IFIH1: variants seen among roughly 807,000 people sequenced by gnomAD.
IFIH1 encodes interferon-induced helicase C domain-containing protein 1.
In IFIH1, 125 loss-of-function variants were observed where a neutral mutation model predicts 107.4. The observed-to-expected ratio is 1.16, with a 90% CI of 1.01 to 1.35. The LOEUF (loss-of-function observed/expected upper bound fraction) is 1.35. Among genes scored for constraint, IFIH1 ranks in the 40% most tolerant of loss-of-function variants. The probability of loss-of-function intolerance (pLI) is 0.00; values close to 1 mark genes in which losing one functional copy is unlikely to be tolerated. For missense variants in IFIH1, 1,333 were observed against 1,213.7 expected, an observed-to-expected ratio of 1.10 and a Z score of -1.46; for synonymous variants, 458 against 413.2, an observed-to-expected ratio of 1.11 and a Z score of -1.31.
chr2:162,270,935 G>C (rs1010822888), intron 13 of IFIH1, among the ~76,000 whole-genome samples: 3 of 152,150 alleles, frequency 2.0e-5, no homozygotes, highest in Non-Finnish European at 4.4e-5. Context: ...CATCCCTTTA[G>C]TGAAACTCTA....
chr2:162,298,965 A>G (rs546935183), intron 3 of IFIH1, among the ~76,000 whole-genome samples: 2 of 152,254 alleles, frequency 1.3e-5, no homozygotes, highest in Non-Finnish European at 2.9e-5. Flanking sequence ...ACTCTCCTAG[A>G]GCCACAGGCC....
Position 162,273,961 on chromosome 2 carries a change from A to G in IFIH1, c.2305-17T>C. The G allele has an allele frequency of 1.3e-6, 2 of 1,537,864 alleles. No homozygotes were observed. Among genetic ancestry groups the G allele is most frequent in the Non-Finnish European group, 1.8e-6 (2 of 1,121,694 alleles). On this transcript the variant is annotated splice_polypyrimidine_tract_variant and intron_variant, in intron 11 of 15. Coordinates refer to ENST00000649979, the MANE Select transcript of IFIH1 (RefSeq NM_022168.4). ...TTGTTCATTCTGTAGAAACATTTTA[A>G]TAAATTAAATTTTGTGATGCTAAAC...
At chr2:162,267,775 T>C (rs541654445) in intron 14 of IFIH1, among the ~76,000 whole-genome samples, 6 of 152,354 alleles carry the variant, frequency 3.9e-5, no homozygotes, top group African/African-American at 1.4e-4. Flanking sequence ...ATGTTGCCTT[T>C]CATAACTTCT....
chr2:162,301,365 G>C (rs1683190336), intron 3 of IFIH1, among the ~76,000 whole-genome samples: 1 of 152,136 alleles, frequency 6.6e-6, no homozygotes, highest in South Asian at 2.1e-4. Context: ...CTTTATAAAT[G>C]TAAAGGCGCC....
At position 162,285,174 on chromosome 2, in the gene IFIH1, TG is replaced by T. The variant is rs1308173452; in HGVS notation, c.1096-2599del. On this transcript the variant is annotated intron_variant, in intron 5 of 15. Coordinates refer to ENST00000649979, the MANE Select transcript of IFIH1 (RefSeq NM_022168.4). ...AAACCCAACTGCTACCCACTTCTGC[TG>T]AATCATATGGGGCTGCATTGCAGCA... Among the ~76,000 whole-genome samples, 3 of 151,988 alleles carry T rather than the reference TG, an allele frequency of 2.0e-5. No homozygotes were observed. In the East Asian group the frequency reaches 5.8e-4, roughly 29 times the overall value.
chr2:162,295,101 T>C (rs1376276567), intron 3 of IFIH1, among the ~76,000 whole-genome samples: 1 of 152,008 alleles, frequency 6.6e-6, no homozygotes, highest in Non-Finnish European at 1.5e-5. Context: ...TTGACATATG[T>C]ATACAGTTAC....
At chr2:162,286,914 T>C (rs4664460) in intron 5 of IFIH1, among the ~76,000 whole-genome samples, 19,199 of 151,952 alleles carry the variant, frequency 0.13, 2,822 homozygotes, top group African/African-American at 0.33. Flanking sequence ...TTGTTCATTT[T>C]GCAGATGAAG....
Position 162,276,916 on chromosome 2 carries a change from TCAGC to T in IFIH1, c.2071_2074del (p.Ala691LysfsTer10), listed in dbSNP as rs1157272609. On this transcript the variant is annotated frameshift_variant, in exon 11 of 16. Coordinates refer to ENST00000649979, the MANE Select transcript of IFIH1 (RefSeq NM_022168.4). LOFTEE classifies it high-confidence loss of function. ...CTTTTCATTTTCATATTCTGGGTTT[TCAGC>T]CAGCCTTTTCAACATTTTATTGTTT... 2.5e-6 allele frequency: 4 copies of T among 1,606,622 alleles called. No individual in the cohort carries two copies. The highest frequency in any genetic ancestry group is 3.4e-6 in the Non-Finnish European group (4 of 1,177,992).
intron 3 of IFIH1, among the ~76,000 whole-genome samples, chr2:162,296,310 G>T (rs1683084170): frequency 6.6e-6 from 1 of 152,030 alleles, no homozygotes; most frequent in African/African-American, 2.4e-5. Context: ...CTATTATCTG[G>T]ATTATTTTGA....
rs748006043 is a variant in IFIH1 at position 162,318,023 on chromosome 2, C to T, written c.285G>A (p.Met95Ile). ...AGGGCAAGTCCGTGAGCTCAGGGTTCATGTAGCGGGCGGCCAGAGGGCTGC... is the reference window on the plus strand; with the variant it reads ...AGGGCAAGTCCGTGAGCTCAGGGTTTATGTAGCGGGCGGCCAGAGGGCTGC... ...RTGSPLAARY[M>I]NPELTDLPSP... is the part of the protein sequence containing the mutation. The change falls in exon 1 of 16, where the codon ATG (methionine) becomes ATA (isoleucine). Residue 95 changes from methionine (M) to isoleucine (I), a missense_variant. Transcript: ENST00000649979. The T allele has an allele frequency of 2.5e-6, 4 of 1,614,160 alleles. No homozygotes were observed. Among genetic ancestry groups the T allele is most frequent in the South Asian group, 1.1e-5 (1 of 91,084 alleles).
In IFIH1 at chr2:162,282,399, C is replaced by A. The variant is rs1054159671; in HGVS notation, c.1273G>T (p.Glu425Ter). Reference sequence around the variant, plus strand: ...TGAACACCAGCATCTTCTCCATTTTCCAAGTTTAAGAGGGAGTTTTCAAGG... The same window carrying A: ...TGAACACCAGCATCTTCTCCATTTTACAAGTTTAAGAGGGAGTTTTCAAGG... ...QILENSLLNLENGEDAGVQLS... is the reference protein window; with the variant it reads ...QILENSLLNL The change falls in exon 6 of 16, where the codon GAA becomes TAA. Residue 425 changes from glutamate (E) to a stop codon, truncating the protein, a stop_gained. Transcript: ENST00000649979. LOFTEE classifies it high-confidence loss of function. 1.2e-6 allele frequency: 2 copies of A among 1,610,958 alleles called. No individual in the cohort carries two copies. The highest frequency in any genetic ancestry group is 1.7e-6 in the Non-Finnish European group (2 of 1,178,230).
Position 162,270,450 on chromosome 2 carries a change from G to A in IFIH1, c.2616+1776C>T, listed in dbSNP as rs866296694. On this transcript the variant is annotated intron_variant, in intron 13 of 15. Coordinates refer to ENST00000649979, the MANE Select transcript of IFIH1 (RefSeq NM_022168.4). ...GAAGAAAGTAAACATCTTCCCAGTA[G>A]CAATGTTTTCTACAGGCTTTGAACA... 4.6e-5 allele frequency among the ~76,000 whole-genome samples: 7 copies of A among 152,174 alleles called. No individual in the cohort carries two copies. The South Asian group carries it at 1.4e-3, about 31-fold the overall frequency.
chr2:162,271,338 T>A (rs1691034164), intron 13 of IFIH1, among the ~76,000 whole-genome samples: 1 of 151,692 alleles, frequency 6.6e-6, no homozygotes, highest in East Asian at 2.0e-4. Context: ...ACCATCATTC[T>A]GAGCAAACTA....
At position 162,280,104 on chromosome 2, in the gene IFIH1, G is replaced by C; in HGVS notation, c.1533C>G (p.Ala511=). ...TTTTAATAGTAAATGCATCAAGATT[G>C]GCACATAGCTGGAAAAGAGACATTT... is the stretch of plus-strand genomic sequence containing the variant. ...KAEEHILKLC[A]NLDAFTIKTV... is the part of the protein sequence containing the mutation. Residue 511 remains alanine (A), a synonymous_variant, in exon 8 of 16, where the codon GCC becomes GCG. Transcript: ENST00000649979. The C allele has an allele frequency of 6.5e-7, 1 of 1,535,432 alleles. No individual in the cohort carries two copies. Among genetic ancestry groups the C allele is most frequent in the Non-Finnish European group, 9.0e-7 (1 of 1,112,284 alleles).
intron 6 of IFIH1, 114 bp downstream of exon 6, chr2:162,282,252 A>G (rs1226513076): frequency 1.1e-5 from 7 of 660,986 alleles, no homozygotes; most frequent in East Asian, 8.6e-5. Flanking sequence ...TAATAAAACC[A>G]TAAGCAATAA....
chr2:162,301,458 G>A (rs1216443879), intron 3 of IFIH1, among the ~76,000 whole-genome samples: 1 of 152,054 alleles, frequency 6.6e-6, no homozygotes, highest in African/African-American at 2.4e-5. Flanking sequence ...GAAGTTTGGG[G>A]GGATTTTCTG....
rs1006604753 is a variant in IFIH1 at position 162,267,339 on chromosome 2, G to A, written c.2939C>T (p.Pro980Leu). 2 of 1,613,070 alleles carry A rather than the reference G, an allele frequency of 1.2e-6. No individual in the cohort carries two copies. The highest frequency in any genetic ancestry group is 1.7e-6 in the Non-Finnish European group (2 of 1,179,758). Residue 980 changes from proline to leucine, a missense_variant, in exon 16 of 16, where the codon CCT (proline) becomes CTT (leucine). Pro to Leu is a moderately conservative substitution (Grantham distance 98, BLOSUM62 -3). Coordinates refer to ENST00000649979, the MANE Select transcript of IFIH1 (RefSeq NM_022168.4). ...TACAAAATTCCTTATTTTGAGACAA[G>A]GCAAATCTAAGCCTTTGTGCACCAT... ...TMMVHKGLDL[P>L]CLKIRNFVVV...
intron 12 of IFIH1, 138 bp from the exon 13 acceptor site, chr2:162,272,525 G>A: frequency 1.5e-6 from 1 of 662,150 alleles, no homozygotes; most frequent in South Asian, 2.0e-5. Context: ...AATGGGTAAA[G>A]TTAGTAAAGT....
chr2:162,267,593 T>G (rs746109214), intron 14 of IFIH1, 24 bp from the exon 15 acceptor site: 4 of 1,517,732 alleles, frequency 2.6e-6, no homozygotes, highest in Non-Finnish European at 3.7e-6. Context: ...AGGGAAAGAA[T>G]CATCATGGAG....
Sources: allele counts gnomAD v4.1 joint callset (sites outside exome capture counted in the v4.1 genomes callset), GRCh38; gene constraint gnomAD v4.1.1; transcripts MANE v1.5; gene names NCBI Gene and HGNC (gene_info 2026-07-23, HGNC 2026-07-21).